The following IMMP2L variants were observed in gnomAD, a reference collection of about 807,000 sequenced individuals.
IMMP2L encodes mitochondrial inner membrane protease subunit 2.
In IMMP2L, 18 loss-of-function variants were observed where a neutral mutation model predicts 19.3. The ratio of observed to expected loss-of-function variants is 0.93; its 90% CI spans 0.64 to 1.38. The LOEUF (loss-of-function observed/expected upper bound fraction) is 1.38. IMMP2L is among the 40% of genes most tolerant of loss of function. IMMP2L has a pLI of 0.00. For synonymous variants in IMMP2L, 76 were observed against 73.0 expected (o/e 1.04, Z -0.21); for missense variants, 233 against 218.2 (o/e 1.07, Z -0.43).
intron 3 of IMMP2L, among the ~76,000 whole-genome samples, chr7:111,397,999 A>G (rs939417146): frequency 4.6e-5 from 7 of 152,138 alleles, no homozygotes; most frequent in African/African-American, 1.7e-4. Context: ...TACATTTAAT[A>G]TTATTTCTAT....
intron 3 of IMMP2L, among the ~76,000 whole-genome samples, chr7:111,197,500 G>A (rs890990099): frequency 2.0e-5 from 3 of 151,862 alleles, no homozygotes; most frequent in African/African-American, 4.8e-5. Context: ...AATGAACCAA[G>A]TATTTATAGT....
chr7:110,694,702 T>A (rs916629182), intron 5 of IMMP2L, among the ~76,000 whole-genome samples: 2 of 152,144 alleles, frequency 1.3e-5, no homozygotes, highest in African/African-American at 4.8e-5. Context: ...ATAGAATTTA[T>A]ATATGATCGA....
Position 110,807,326 on chromosome 7 carries a change from C to T in IMMP2L, c.408+79267G>A, listed in dbSNP as rs1185645065. Among the ~76,000 whole-genome samples, 3 of 151,946 alleles carry T rather than the reference C, an allele frequency of 2.0e-5. No individual in the cohort carries two copies. The East Asian group carries it at 5.8e-4, about 29-fold the overall frequency. On this transcript the variant is annotated intron_variant, in intron 5 of 5. Transcript: ENST00000405709. ...TTATTCTCAACCCAGGAGGACATTT[C>T]TTTGGCCATTAAAAAACCTAGTTTG...
At chr7:110,908,160 A>C (rs1316957357) in intron 4 of IMMP2L, among the ~76,000 whole-genome samples, 1 of 152,198 alleles carries the variant, frequency 6.6e-6, no homozygotes, top group African/African-American at 2.4e-5. Flanking sequence ...AAGGGAGGAA[A>C]AGCCTTATCT....
chr7:110,685,060 G>A (rs867030626), intron 5 of IMMP2L, among the ~76,000 whole-genome samples: 4 of 152,048 alleles, frequency 2.6e-5, no homozygotes, highest in East Asian at 1.9e-4. Flanking sequence ...TTAAGGGTTG[G>A]GGGGGAAGGG....
At chr7:111,489,208 TA>T (rs1358369583) in intron 2 of IMMP2L, among the ~76,000 whole-genome samples, 2 of 151,834 alleles carry the variant, frequency 1.3e-5, no homozygotes, top group African/African-American at 4.8e-5. Context: ...CACGCCCAGC[TA>T]ATTTTTTTTA....
chr7:110,906,454 G>A (rs537100976), intron 4 of IMMP2L, among the ~76,000 whole-genome samples: 1 of 152,292 alleles, frequency 6.6e-6, no homozygotes, highest in African/African-American at 2.4e-5. Context: ...TTAGTTCCGT[G>A]TGACAGAATA....
At chr7:110,744,737 A>G (rs1797215789) in intron 5 of IMMP2L, among the ~76,000 whole-genome samples, 1 of 152,364 alleles carries the variant, frequency 6.6e-6, no homozygotes, top group South Asian at 2.1e-4. Flanking sequence ...CAGAGACCCC[A>G]TCTGAAGGTC....
intron 3 of IMMP2L, among the ~76,000 whole-genome samples, chr7:111,289,345 C>A (rs1820838227): frequency 6.6e-6 from 1 of 151,536 alleles, no homozygotes; most frequent in Admixed American, 6.6e-5. Context: ...GTGCAACAAA[C>A]CACCATGGTA....
intron 2 of IMMP2L, among the ~76,000 whole-genome samples, chr7:111,515,019 T>C (rs948091493): frequency 6.6e-6 from 1 of 152,152 alleles, no homozygotes; most frequent in Non-Finnish European, 1.5e-5. Flanking sequence ...TAGTATCTGA[T>C]AGCTCCAATT....
At chr7:110,826,080 G>A (rs1004408962) in intron 5 of IMMP2L, among the ~76,000 whole-genome samples, 1 of 152,146 alleles carries the variant, frequency 6.6e-6, no homozygotes, top group Non-Finnish European at 1.5e-5. Flanking sequence ...ACAGACACAT[G>A]AAAAAATGCT....
chr7:111,501,455 T>G (rs1465023806), intron 2 of IMMP2L, among the ~76,000 whole-genome samples: 1 of 152,034 alleles, frequency 6.6e-6, no homozygotes, highest in Non-Finnish European at 1.5e-5. Flanking sequence ...AACATTCAAA[T>G]TCAGGAAATA....
chr7:111,020,658 A>G (rs1826188303), intron 3 of IMMP2L, among the ~76,000 whole-genome samples: 1 of 152,136 alleles, frequency 6.6e-6, no homozygotes, highest in Non-Finnish European at 1.5e-5. Flanking sequence ...GCTACTCAGG[A>G]GGCTGAGGTG....
chr7:111,236,080 C>A (rs554162978), intron 3 of IMMP2L, among the ~76,000 whole-genome samples: 24 of 151,914 alleles, frequency 1.6e-4, no homozygotes, highest in Non-Finnish European at 3.4e-4. Flanking sequence ...CTTTCCTCTC[C>A]TTTTTTGAAC....
chr7:110,765,510 G>A (rs948054377), intron 5 of IMMP2L, among the ~76,000 whole-genome samples: 10 of 151,822 alleles, frequency 6.6e-5, no homozygotes, highest in Middle Eastern at 3.4e-3. Context: ...TTTTTTCTTC[G>A]ATATGACATT....
chr7:110,671,346 T>C (rs1488784428), intron 5 of IMMP2L, among the ~76,000 whole-genome samples: 1 of 152,252 alleles, frequency 6.6e-6, no homozygotes, highest in Non-Finnish European at 1.5e-5. Flanking sequence ...TAGATTCTTA[T>C]TTTAGATACA....
intron 3 of IMMP2L, among the ~76,000 whole-genome samples, chr7:111,103,791 T>C (rs1440066376): frequency 6.6e-6 from 1 of 151,622 alleles, no homozygotes; most frequent in Non-Finnish European, 1.5e-5. Flanking sequence ...TTTCACAACA[T>C]TCCTTTCAAG....
Position 111,487,294 on chromosome 7 carries a change from CA to C in IMMP2L, c.182del (p.Leu61Ter). The C allele has an allele frequency of 2.5e-6, 4 of 1,611,150 alleles. No homozygotes were observed. Among genetic ancestry groups the C allele is most frequent in the Non-Finnish European group, 3.4e-6 (4 of 1,177,530 alleles). On this transcript the variant is annotated frameshift_variant, in exon 3 of 6. Transcript: ENST00000405709. LOFTEE classifies it high-confidence loss of function. Reference protein sequence around the residue: ...GGSQSSDVVLLNHWKVRNFEV... With the variant: ...GGSQSSDVVLXNHWKVRNFEV... Reference sequence around the variant, plus strand: ...CAAAATTCCTCACTTTCCAGTGGTTCAAAAGCACCACATCAGATGACTGGCT... The same window carrying C: ...CAAAATTCCTCACTTTCCAGTGGTTCAAAGCACCACATCAGATGACTGGCT...
Position 110,943,636 on chromosome 7 carries a change from G to A in IMMP2L, c.305+19864C>T, listed in dbSNP as rs1436532407. Among the ~76,000 whole-genome samples the A allele has an allele frequency of 3.3e-5, 5 of 151,956 alleles. No individual in the cohort carries two copies. In the Admixed American group the frequency reaches 3.3e-4, roughly 10 times the overall value. On this transcript the variant is annotated intron_variant, in intron 4 of 5. Coordinates refer to ENST00000405709, the MANE Select transcript of IMMP2L (RefSeq NM_032549.4). ...TTCCCTGCAGGAAAAAAAATATGGA[G>A]CAGAGCCTCATGCAACCCATGGGGA...
Sources: allele counts gnomAD v4.1 joint callset (sites outside exome capture counted in the v4.1 genomes callset), GRCh38; gene constraint gnomAD v4.1.1; transcripts MANE v1.5; gene names NCBI Gene and HGNC (gene_info 2026-07-23, HGNC 2026-07-21).